The following MAPT variants were observed in gnomAD, a reference collection of about 807,000 sequenced individuals.
The protein encoded by MAPT is microtubule-associated protein tau.
MAPT carries 34 observed loss-of-function variants against 67.9 expected under a neutral mutation model. The observed-to-expected ratio is 0.50, with a 90% CI of 0.38 to 0.67. The LOEUF (loss-of-function observed/expected upper bound fraction) is 0.67, where lower values mean the gene tolerates loss of function less well. MAPT is among the 30% of genes least tolerant of loss of function. The pLI is 0.00. For synonymous variants in MAPT, 456 were observed against 464.5 expected, an observed-to-expected ratio of 0.98 and a Z score of 0.23; for missense variants, 881 against 1,115.2, an observed-to-expected ratio of 0.79 and a Z score of 2.99.
chr17:45,947,387 T>C (rs1305308430), intron 1 of MAPT, among the ~76,000 whole-genome samples: 2 of 150,106 alleles, frequency 1.3e-5, no homozygotes, highest in African/African-American at 2.4e-5. Context: ...CTTTTTCTTT[T>C]TTTTTTTTTT....
chr17:46,003,755 G>T (rs565932221), intron 9 of MAPT, among the ~76,000 whole-genome samples: 1 of 152,130 alleles, frequency 6.6e-6, no homozygotes, highest in African/African-American at 2.4e-5. Context: ...CACAGTAAGT[G>T]GGGGGCAGAG....
chr17:45,997,087 G>A (rs2074546458), intron 9 of MAPT, among the ~76,000 whole-genome samples: 1 of 152,214 alleles, frequency 6.6e-6, no homozygotes, highest in African/African-American at 2.4e-5. Context: ...CCACTCGTGG[G>A]CCATCTGCTT....
At chr17:46,009,263 G>C (rs532411440) in intron 9 of MAPT, among the ~76,000 whole-genome samples, 1 of 152,292 alleles carries the variant, frequency 6.6e-6, no homozygotes, top group Admixed American at 6.5e-5. Context: ...CAGAGTTCCT[G>C]AGAGGAAAGG....
At chr17:45,922,721 A>G (rs920539853) in intron 1 of MAPT, among the ~76,000 whole-genome samples, 1 of 152,198 alleles carries the variant, frequency 6.6e-6, no homozygotes, top group African/African-American at 2.4e-5. Flanking sequence ...TGTGGTCTAA[A>G]GATAGGGCCA....
chr17:45,999,554 G>A lies in MAPT; in HGVS notation c.1998+2890G>A, dbSNP rs532742773. The A allele has an allele frequency of 3.1e-6, 5 of 1,613,252 alleles. No homozygotes were observed. The East Asian group carries it at 6.7e-5, about 22-fold the overall frequency. On this transcript the variant is annotated intron_variant, in intron 9 of 12. Transcript: ENST00000262410. ...AGCAGGAATGGGGCTGAGCAGGGAA[G>A]ACAACTTTCCATTGAAGGCCCCTTT...
chr17:45,895,833 C>G (rs1303965957), intron 1 of MAPT: 1 of 152,232 alleles, frequency 6.6e-6, no homozygotes, highest in Non-Finnish European at 1.5e-5. Flanking sequence ...CCATGCCAAA[C>G]CGGGTGGCCG....
intron 9 of MAPT, among the ~76,000 whole-genome samples, chr17:46,007,303 A>G (rs1392943635): frequency 6.6e-6 from 1 of 152,030 alleles, no homozygotes; most frequent in Non-Finnish European, 1.5e-5. Flanking sequence ...TGGGTGACAT[A>G]GCGAGACCCC....
chr17:45,969,671 T>A (rs111164082), intron 2 of MAPT, among the ~76,000 whole-genome samples: 4,569 of 121,304 alleles, frequency 0.038, 64 homozygotes, highest in Non-Finnish European at 0.063. Flanking sequence ...CATTCATCCA[T>A]CCATCCACCC....
chr17:45,987,759 C>T (rs184659692), intron 6 of MAPT, among the ~76,000 whole-genome samples: 6 of 152,344 alleles, frequency 3.9e-5, no homozygotes, highest in Admixed American at 6.5e-5. Flanking sequence ...GGGCTGCTCC[C>T]GGAAGTGCCT....
intron 1 of MAPT, among the ~76,000 whole-genome samples, chr17:45,956,309 G>T (rs1199768631): frequency 6.6e-6 from 1 of 152,078 alleles, no homozygotes; most frequent in Non-Finnish European, 1.5e-5. Flanking sequence ...GGGCACCGCG[G>T]GGGGCTTTGG....
chr17:45,926,517 T>G (rs1013909163), intron 1 of MAPT, among the ~76,000 whole-genome samples: 47 of 152,266 alleles, frequency 3.1e-4, no homozygotes, highest in African/African-American at 1.0e-3. Flanking sequence ...TTTACTATGT[T>G]GCCCAGGCTA....
At chr17:45,945,466 C>G (rs1186408048) in intron 1 of MAPT, among the ~76,000 whole-genome samples, 1 of 152,160 alleles carries the variant, frequency 6.6e-6, no homozygotes, top group African/African-American at 2.4e-5. Context: ...AAGGTAGGGA[C>G]CCCCTCTCAA....
chr17:45,943,785 T>G (rs1394320990), intron 1 of MAPT, among the ~76,000 whole-genome samples: 1 of 152,170 alleles, frequency 6.6e-6, no homozygotes, highest in Non-Finnish European at 1.5e-5. Context: ...CCTGTCACAT[T>G]GTGTGGGTTC....
At chr17:46,017,534 A>G (rs993727166) in intron 11 of MAPT, among the ~76,000 whole-genome samples, 1 of 135,162 alleles carries the variant, frequency 7.4e-6, no homozygotes, top group Non-Finnish European at 1.5e-5. Flanking sequence ...GCTCACTGCA[A>G]CCTCCACCTC....
At chr17:46,011,177 G>A (rs185887178) in intron 10 of MAPT, among the ~76,000 whole-genome samples, 10 of 152,082 alleles carry the variant, frequency 6.6e-5, no homozygotes, top group South Asian at 2.1e-4. Flanking sequence ...CGGGAGGTTC[G>A]CTTGAGCCCA....
At chr17:45,924,612 C>A (rs953926976) in intron 1 of MAPT, among the ~76,000 whole-genome samples, 1 of 152,260 alleles carries the variant, frequency 6.6e-6, no homozygotes, top group African/African-American at 2.4e-5. Context: ...GGCCCCAAGC[C>A]CCCATTTCCA....
chr17:46,020,825 C>T (rs542939416), intron 12 of MAPT, among the ~76,000 whole-genome samples: 1 of 152,256 alleles, frequency 6.6e-6, no homozygotes, highest in African/African-American at 2.4e-5. Flanking sequence ...GTGGGAACTA[C>T]AATTCAAGAT....
At chr17:45,952,323 C>G (rs1208699856) in intron 1 of MAPT, among the ~76,000 whole-genome samples, 2 of 152,164 alleles carry the variant, frequency 1.3e-5, no homozygotes, top group Non-Finnish European at 2.9e-5. Flanking sequence ...GAGCCAGGTC[C>G]TTGGCTAGGA....
intron 1 of MAPT, among the ~76,000 whole-genome samples, chr17:45,900,380 G>A (rs2063536931): frequency 7.5e-6 from 1 of 133,808 alleles, no homozygotes; most frequent in African/African-American, 2.5e-5. Context: ...GGAGGAATTT[G>A]AGACAGGTTT....
Sources: gnomAD v4.1 joint callset for allele counts (sites outside exome capture counted in the v4.1 genomes callset) on GRCh38, gnomAD v4.1.1 for gene constraint, MANE v1.5 for transcripts, NCBI Gene and HGNC (gene_info 2026-07-23, HGNC 2026-07-21) for gene names.